The following PDZD2 variants were observed in gnomAD, a reference collection of about 807,000 sequenced individuals.
The protein encoded by PDZD2 is PDZ domain-containing protein 2.
In PDZD2, 90 loss-of-function variants were observed where a neutral mutation model predicts 220.7. The observed-to-expected ratio is 0.41, with a 90% CI of 0.34 to 0.49. The LOEUF (loss-of-function observed/expected upper bound fraction) is 0.49, where lower values mean the gene tolerates loss of function less well. Ranked by LOEUF, PDZD2 falls within the 20% of genes least tolerant of loss-of-function variation. The pLI is 0.28. For missense variants in PDZD2, 3,174 were observed against 3,608.5 expected (o/e 0.88, Z 3.08); for synonymous variants, 1,375 against 1,450.5 (o/e 0.95, Z 1.18).
chr5:31,768,862 T>C (rs139570313), intron 1 of PDZD2, among the ~76,000 whole-genome samples: 1 of 152,236 alleles, frequency 6.6e-6, no homozygotes, highest in East Asian at 1.9e-4. Flanking sequence ...TGAGAACCAA[T>C]AGCGCTCCAA....
chr5:31,861,771 T>C (rs1396050399), intron 2 of PDZD2, among the ~76,000 whole-genome samples: 1 of 152,198 alleles, frequency 6.6e-6, no homozygotes, highest in Non-Finnish European at 1.5e-5. Flanking sequence ...CCACCCTTTG[T>C]GCCTCCCAGA....
intron 2 of PDZD2, among the ~76,000 whole-genome samples, chr5:31,919,449 C>G (rs991971076): frequency 1.3e-5 from 2 of 151,646 alleles, no homozygotes; most frequent in Non-Finnish European, 2.9e-5. Context: ...CAGGTTCAAG[C>G]GATTCTCCTG....
chr5:31,815,074 C>T (rs767485465), intron 2 of PDZD2, among the ~76,000 whole-genome samples: 3 of 151,686 alleles, frequency 2.0e-5, no homozygotes, highest in Non-Finnish European at 4.4e-5. Flanking sequence ...GAAACCCCAT[C>T]TCTACTAAAA....
At chr5:32,032,507 T>C (rs1408288290) in intron 6 of PDZD2, among the ~76,000 whole-genome samples, 3 of 152,214 alleles carry the variant, frequency 2.0e-5, no homozygotes, top group Non-Finnish European at 4.4e-5. Flanking sequence ...GTTCTCTGTG[T>C]GAACGTTCAG....
At chr5:31,908,374 G>A (rs1348651198) in intron 2 of PDZD2, 2 of 355,332 alleles carry the variant, frequency 5.6e-6, no homozygotes, top group Non-Finnish European at 1.0e-5. Flanking sequence ...ATTATCTACT[G>A]GGACCTTGTC....
intron 2 of PDZD2, among the ~76,000 whole-genome samples, chr5:31,897,077 G>GTT (rs796616414): frequency 2.0e-5 from 3 of 147,194 alleles, no homozygotes; most frequent in African/African-American, 7.4e-5. Flanking sequence ...GATCTGGTGA[G>GTT]TTTTTTTTTT....
intron 2 of PDZD2, among the ~76,000 whole-genome samples, chr5:31,863,004 C>T (rs1045741686): frequency 2.6e-5 from 4 of 152,028 alleles, no homozygotes; most frequent in African/African-American, 4.8e-5. Context: ...GGCAATCCCA[C>T]GCCTGCTGGG....
rs1375105785 is a variant in PDZD2 at position 32,110,557 on chromosome 5, A to ATTGT, written c.*2425_*2428dup. The ATTGT allele has an allele frequency of 3.3e-5, 5 of 152,704 alleles. No individual in the cohort carries two copies. Among genetic ancestry groups the ATTGT allele is most frequent in the African/African-American group, 1.2e-4 (5 of 41,554 alleles). The allele number at this position is 152,704 out of a possible 1,614,324, so 9.5% of individuals were successfully genotyped here. On this transcript the variant is annotated 3_prime_UTR_variant, in exon 25 of 25. Transcript: ENST00000438447. Reference sequence around the variant, plus strand: ...ATGGTATTGTCCTACTAAAACTGTCATTGTTTCTTTTTTTTTAACTGGTCA... The same window carrying ATTGT: ...ATGGTATTGTCCTACTAAAACTGTCATTGTTTGTTTCTTTTTTTTTAACTGGTCA...
At position 32,048,449 on chromosome 5, in the gene PDZD2, G is replaced by T. The variant is rs946780062; in HGVS notation, c.1520-90G>T. ...TAGGCTTCTCAAAACCATGAAGGTG[G>T]GTGTAAATACAATGAGTTTATGCCT... On this transcript the variant is annotated intron_variant, in intron 7 of 24. Transcript: ENST00000438447. The T allele has an allele frequency of 4.8e-6, 5 of 1,047,282 alleles. No individual in the cohort carries two copies. The African/African-American group carries it at 7.8e-5, about 16-fold the overall frequency. The allele number at this position is 1,047,282 out of a possible 1,614,324, so 64.9% of individuals were successfully genotyped here. A position where few individuals can be genotyped will look rare whatever the true frequency, so the allele number is the denominator to read the frequency against.
At chr5:31,700,991 A>G (rs190151489) in intron 1 of PDZD2, among the ~76,000 whole-genome samples, 1 of 152,324 alleles carries the variant, frequency 6.6e-6, no homozygotes, top group Non-Finnish European at 1.5e-5. Flanking sequence ...CATCAGCTGA[A>G]GGACAGGCTG....
At chr5:31,946,295 G>T (rs530082197) in intron 2 of PDZD2, among the ~76,000 whole-genome samples, 1 of 152,178 alleles carries the variant, frequency 6.6e-6, no homozygotes, top group Non-Finnish European at 1.5e-5. Flanking sequence ...GAGTCACTGC[G>T]CCTGGCCAAA....
At chr5:31,927,544 C>T (rs1744907792) in intron 2 of PDZD2, among the ~76,000 whole-genome samples, 1 of 152,038 alleles carries the variant, frequency 6.6e-6, no homozygotes, top group Non-Finnish European at 1.5e-5. Context: ...CTACCACACC[C>T]AGCTAATTTT....
chr5:31,996,481 C>T (rs1262957182), intron 4 of PDZD2, among the ~76,000 whole-genome samples: 1 of 152,010 alleles, frequency 6.6e-6, no homozygotes, highest in Non-Finnish European at 1.5e-5. Context: ...GAGGCTGAGG[C>T]GGATCACCTG....
intron 17 of PDZD2, among the ~76,000 whole-genome samples, chr5:32,072,591 C>T (rs1428010812): frequency 3.3e-5 from 5 of 152,096 alleles, no homozygotes; most frequent in Non-Finnish European, 4.4e-5. Flanking sequence ...ATTAGCCAGG[C>T]GTGGTGGCAC....
intron 1 of PDZD2, among the ~76,000 whole-genome samples, chr5:31,678,655 G>T (rs184503586): frequency 6.6e-6 from 1 of 152,106 alleles, no homozygotes; most frequent in South Asian, 2.1e-4. Flanking sequence ...TCTCTCTGTC[G>T]CCCAGGTTGG....
intron 3 of PDZD2, among the ~76,000 whole-genome samples, chr5:31,984,745 T>C (rs1437994262): frequency 6.6e-6 from 1 of 152,064 alleles, no homozygotes; most frequent in Non-Finnish European, 1.5e-5. Flanking sequence ...AGAGGATCGC[T>C]TGAGTCTGGG....
chr5:31,799,802 T>G (rs1580781076), intron 2 of PDZD2, 78 bp downstream of exon 2: 2 of 905,794 alleles, frequency 2.2e-6, no homozygotes, highest in Non-Finnish European at 3.6e-6. Flanking sequence ...GCTGCAGAGG[T>G]TTATGAATCC....
intron 1 of PDZD2, among the ~76,000 whole-genome samples, chr5:31,761,057 C>G (rs28619979): frequency 0.012 from 1,829 of 152,102 alleles, 15 homozygotes; most frequent in African/African-American, 0.029. Context: ...TGGGGAGGGG[C>G]ACATAGTAGG....
chr5:31,841,861 C>T (rs1757326947), intron 2 of PDZD2, among the ~76,000 whole-genome samples: 1 of 151,666 alleles, frequency 6.6e-6, no homozygotes, highest in Non-Finnish European at 1.5e-5. Flanking sequence ...GTCCCAGCTA[C>T]TCGGGAGGCT....
Sources: gnomAD v4.1 joint callset for allele counts (sites outside exome capture counted in the v4.1 genomes callset) on GRCh38, gnomAD v4.1.1 for gene constraint, MANE v1.5 for transcripts, NCBI Gene and HGNC (gene_info 2026-07-23, HGNC 2026-07-21) for gene names.